Variants in GABRG3 observed in about 807,000 individuals in gnomAD.
GABRG3 encodes the protein gamma-aminobutyric acid receptor subunit gamma-3.
A neutral mutation model predicts 48.8 loss-of-function variants in GABRG3; 25 were observed. The observed-to-expected ratio is 0.51, with a 90% confidence interval of 0.37 to 0.72. The LOEUF (loss-of-function observed/expected upper bound fraction) is 0.72. Ranked by LOEUF, GABRG3 falls within the 30% of genes least tolerant of loss-of-function variation. The pLI is 0.00. For synonymous variants in GABRG3, 227 were observed against 217.6 expected (o/e 1.04, Z -0.38); for missense variants, 394 against 577.9 (o/e 0.68, Z 3.26).
At chr15:27,153,433 T>C (rs1898359870) in intron 3 of GABRG3, among the ~76,000 whole-genome samples, 1 of 152,200 alleles carries the variant, frequency 6.6e-6, no homozygotes, top group African/African-American at 2.4e-5. Context: ...AGAGTGATTC[T>C]TCCTGCACTC....
intron 3 of GABRG3, among the ~76,000 whole-genome samples, chr15:27,232,800 T>C (rs1207044035): frequency 2.0e-5 from 3 of 152,226 alleles, no homozygotes; most frequent in Non-Finnish European, 2.9e-5. Context: ...AATGTTACCA[T>C]TTATTAAACA....
At chr15:27,417,814 C>T (rs899093617) in intron 5 of GABRG3, among the ~76,000 whole-genome samples, 3 of 152,174 alleles carry the variant, frequency 2.0e-5, no homozygotes, top group East Asian at 3.9e-4. Flanking sequence ...CACTGATATG[C>T]GGTAGCTGGT....
At chr15:27,420,006 G>A (rs1184877986) in intron 5 of GABRG3, among the ~76,000 whole-genome samples, 1 of 152,174 alleles carries the variant, frequency 6.6e-6, no homozygotes, top group Non-Finnish European at 1.5e-5. Context: ...ACACTGGGGT[G>A]TTACCATTCT....
At chr15:27,073,879 C>T (rs1254935061) in intron 3 of GABRG3, among the ~76,000 whole-genome samples, 2 of 152,206 alleles carry the variant, frequency 1.3e-5, no homozygotes, top group African/African-American at 4.8e-5. Flanking sequence ...TGGATTTCCT[C>T]ACATCAACAG....
intron 3 of GABRG3, among the ~76,000 whole-genome samples, chr15:27,278,444 T>C (rs1891328038): frequency 6.6e-6 from 1 of 152,140 alleles, no homozygotes; most frequent in African/African-American, 2.4e-5. Flanking sequence ...AGGAAGAATA[T>C]GTTCTTGTCT....
At chr15:27,024,087 C>A (rs1895943926) in intron 2 of GABRG3, among the ~76,000 whole-genome samples, 1 of 151,916 alleles carries the variant, frequency 6.6e-6, no homozygotes, top group Non-Finnish European at 1.5e-5. Context: ...TTTTCATGTG[C>A]TTATTGTCTG....
chr15:27,113,813 C>G (rs941457827), intron 3 of GABRG3, among the ~76,000 whole-genome samples: 1 of 152,146 alleles, frequency 6.6e-6, no homozygotes, highest in African/African-American at 2.4e-5. Flanking sequence ...TGGGGATAAA[C>G]CTAAGACTGC....
At chr15:27,246,268 A>T (rs1890268516) in intron 3 of GABRG3, among the ~76,000 whole-genome samples, 1 of 152,120 alleles carries the variant, frequency 6.6e-6, no homozygotes, top group Non-Finnish European at 1.5e-5. Context: ...AAATATATAA[A>T]TGTAAATATA....
At chr15:26,977,340 T>C (rs957477869) in intron 2 of GABRG3, among the ~76,000 whole-genome samples, 190 bp downstream of exon 2, 1 of 152,172 alleles carries the variant, frequency 6.6e-6, no homozygotes, top group African/African-American at 2.4e-5. Context: ...TGCAGGAACG[T>C]GGCTCTGTGT....
intron 6 of GABRG3, among the ~76,000 whole-genome samples, chr15:27,508,342 G>T (rs1439346773): frequency 6.6e-6 from 1 of 152,068 alleles, no homozygotes; most frequent in African/African-American, 2.4e-5. Context: ...TAAATAATCT[G>T]AGTTGACCTC....
At chr15:27,257,723 G>A (rs1595618163) in intron 3 of GABRG3, among the ~76,000 whole-genome samples, 1 of 152,152 alleles carries the variant, frequency 6.6e-6, no homozygotes, top group African/African-American at 2.4e-5. Flanking sequence ...CCCAGGCTGG[G>A]GTGCAGTGGC....
intron 5 of GABRG3, among the ~76,000 whole-genome samples, chr15:27,370,392 C>A (rs1188390342): frequency 1.3e-5 from 2 of 152,224 alleles, no homozygotes; most frequent in African/African-American, 4.8e-5. Context: ...ACTTGTTCTG[C>A]AGCTCTTGCT....
At chr15:27,333,573 C>T (rs886904894) in intron 5 of GABRG3, among the ~76,000 whole-genome samples, 2 of 152,174 alleles carry the variant, frequency 1.3e-5, no homozygotes, top group Admixed American at 1.3e-4. Context: ...GATGATCTCC[C>T]ATCTAAGATC....
At chr15:27,529,733 G>A (rs1051544700) in intron 9 of GABRG3, among the ~76,000 whole-genome samples, 3 of 152,044 alleles carry the variant, frequency 2.0e-5, no homozygotes, top group Non-Finnish European at 4.4e-5. Context: ...AGGGGAGAGG[G>A]GAAGGGTGCA....
chr15:27,037,624 C>G (rs1001253832), intron 3 of GABRG3, among the ~76,000 whole-genome samples: 2 of 152,116 alleles, frequency 1.3e-5, no homozygotes, highest in African/African-American at 4.8e-5. Flanking sequence ...CTTAGTACAC[C>G]TGAAGGAAAA....
At position 27,392,554 on chromosome 15, in the gene GABRG3, G is replaced by A. The variant is rs372934588; in HGVS notation, c.574+63666G>A. Reference sequence around the variant, plus strand: ...ACCTTAAACACCTGGCTGAGGTGGTGTCTGCCACGTTGCTTCCCTGTAAAG... The same window carrying A: ...ACCTTAAACACCTGGCTGAGGTGGTATCTGCCACGTTGCTTCCCTGTAAAG... On this transcript the variant is annotated intron_variant, in intron 5 of 9. Transcript: ENST00000615808. Among the ~76,000 whole-genome samples, 24 of 152,278 alleles carry A rather than the reference G, an allele frequency of 1.6e-4. No homozygotes were observed. The East Asian group carries it at 4.3e-3, about 27-fold the overall frequency.
Position 27,290,020 on chromosome 15 carries a change from G to A in GABRG3, c.271-36789G>A, listed in dbSNP as rs79190438. Among the ~76,000 whole-genome samples, 7 of 152,186 alleles carry A rather than the reference G, an allele frequency of 4.6e-5. No homozygotes were observed. In the East Asian group the frequency reaches 1.4e-3, roughly 29 times the overall value. On this transcript the variant is annotated intron_variant, in intron 3 of 9. Transcript: ENST00000615808. The stretch of plus-strand genomic sequence containing the variant: ...TGGAGAAAGAGCTGATTCTGTCACT[G>A]GAGAAGGAAATATATCAGAAGACTC...
intron 5 of GABRG3, among the ~76,000 whole-genome samples, chr15:27,431,037 A>AAATAAATAAATC (rs1213570788): frequency 4.1e-5 from 6 of 147,412 alleles, no homozygotes; most frequent in Non-Finnish European, 7.5e-5. Context: ...ATAAATAAAT[A>AAATAAATAAATC]AATCAGTAGT....
At chr15:27,278,830 C>T (rs1040978038) in intron 3 of GABRG3, among the ~76,000 whole-genome samples, 4 of 152,046 alleles carry the variant, frequency 2.6e-5, no homozygotes, top group African/African-American at 9.7e-5. Context: ...ATATGGTAAG[C>T]GTATGTTGAG....
Sources: allele counts gnomAD v4.1 joint callset (sites outside exome capture counted in the v4.1 genomes callset), GRCh38; gene constraint gnomAD v4.1.1; transcripts MANE v1.5; gene names NCBI Gene and HGNC (gene_info 2026-07-23, HGNC 2026-07-21).